Variants in CDK14 observed in about 807,000 individuals in gnomAD.
CDK14 encodes the protein cyclin dependent kinase 14.
Under a neutral mutation model 60.7 loss-of-function variants are expected in CDK14, and 34 were observed. The observed-to-expected ratio is 0.56, with a 90% CI of 0.43 to 0.75. CDK14 has a LOEUF of 0.75. Ranked by LOEUF, CDK14 falls within the 30% of genes least tolerant of loss-of-function variation. The pLI is 0.00. For missense variants in CDK14, 482 were observed against 564.1 expected, an observed-to-expected ratio of 0.85 and a Z score of 1.47; for synonymous variants, 197 against 203.7, an observed-to-expected ratio of 0.97 and a Z score of 0.28.
At chr7:90,852,600 A>T (rs1790683064) in intron 5 of CDK14, among the ~76,000 whole-genome samples, 1 of 152,166 alleles carries the variant, frequency 6.6e-6, no homozygotes, top group Non-Finnish European at 1.5e-5. Flanking sequence ...TCTTAGATTA[A>T]ATATCTCATA....
At chr7:90,710,021 A>G in intron 2 of CDK14, 1 of 910,576 alleles carries the variant, frequency 1.1e-6, no homozygotes, top group Non-Finnish European at 1.3e-6. Context: ...GGCAAGTCTG[A>G]ATCCTGACTC....
chr7:90,753,460 T>G (rs1237524969), intron 4 of CDK14, among the ~76,000 whole-genome samples: 1 of 152,122 alleles, frequency 6.6e-6, no homozygotes, highest in Non-Finnish European at 1.5e-5. Context: ...AGACCCTCAG[T>G]AAGCTAGGCA....
At chr7:90,865,733 A>G (rs564273127) in intron 6 of CDK14, among the ~76,000 whole-genome samples, 11 of 152,276 alleles carry the variant, frequency 7.2e-5, no homozygotes, top group African/African-American at 2.6e-4. Flanking sequence ...TGAAATTTAC[A>G]GTTTTATGCT....
At chr7:90,970,668 G>T (rs943766886) in intron 9 of CDK14, among the ~76,000 whole-genome samples, 24 of 152,184 alleles carry the variant, frequency 1.6e-4, no homozygotes, top group Admixed American at 1.5e-3. Context: ...CTTCTCAAAG[G>T]TACCTTTATT....
At chr7:91,108,352 T>C (rs549713796) in intron 12 of CDK14, among the ~76,000 whole-genome samples, 94 of 152,326 alleles carry the variant, frequency 6.2e-4, no homozygotes, top group Non-Finnish European at 1.1e-3. Context: ...TAAAGCATGT[T>C]TACCATTCGT....
At chr7:90,830,153 A>G (rs1789868522) in intron 5 of CDK14, among the ~76,000 whole-genome samples, 2 of 152,188 alleles carry the variant, frequency 1.3e-5, no homozygotes, top group Admixed American at 1.3e-4. Context: ...GCATCGCCCT[A>G]GTAGAGGTTC....
intron 9 of CDK14, among the ~76,000 whole-genome samples, chr7:90,963,202 T>C (rs1164171652): frequency 6.6e-6 from 1 of 151,166 alleles, no homozygotes; most frequent in African/African-American, 2.4e-5. Context: ...GGTGGGAGGA[T>C]GGCATGAGGC....
Position 90,747,743 on chromosome 7 carries a change from A to T in CDK14, c.432A>T (p.Gly144=), listed in dbSNP as rs1394417666. The T allele has an allele frequency of 1.3e-6, 2 of 1,596,742 alleles. No homozygotes were observed. The highest frequency in any genetic ancestry group is 1.2e-5 in the South Asian group (1 of 86,750). ...AAAAGCTGGAAAAACTAGGGGAAGGATCTTATGCTACAGTATACAAAGGGA... is the reference window on the plus strand; with the variant it reads ...AAAAGCTGGAAAAACTAGGGGAAGGTTCTTATGCTACAGTATACAAAGGGA... ...SYEKLEKLGE[G]SYATVYKGKS... The change falls in exon 4 of 15, where the codon GGA becomes GGT. Residue 144 remains glycine (G), a synonymous_variant. Coordinates refer to ENST00000380050, the MANE Select transcript of CDK14 (RefSeq NM_001287135.2).
chr7:90,994,044 GGTT>G (rs999409952), intron 10 of CDK14, among the ~76,000 whole-genome samples: 2 of 152,030 alleles, frequency 1.3e-5, no homozygotes, highest in Admixed American at 6.6e-5. Flanking sequence ...ACTACTTCCT[GGTT>G]GTTCTGGTTA....
intron 2 of CDK14, among the ~76,000 whole-genome samples, chr7:90,672,733 A>C (rs1214485528): frequency 6.6e-6 from 1 of 151,816 alleles, no homozygotes; most frequent in Non-Finnish European, 1.5e-5. Context: ...TATGTTCACC[A>C]GGTTGGCCTT....
chr7:90,621,647 T>TTCCTG (rs1563018738), intron 2 of CDK14, among the ~76,000 whole-genome samples: 43 of 72,820 alleles, frequency 5.9e-4, no homozygotes, highest in East Asian at 4.3e-3. Context: ...CTTCCTTCCT[T>TTCCTG]CCTTCCTTCC....
chr7:90,905,167 C>G (rs1562822043), intron 7 of CDK14, among the ~76,000 whole-genome samples: 1 of 152,142 alleles, frequency 6.6e-6, no homozygotes, highest in Non-Finnish European at 1.5e-5. Context: ...AGAAGAGAAT[C>G]CAGGGATGAC....
chr7:91,007,551 C>T (rs561748878), intron 10 of CDK14, among the ~76,000 whole-genome samples: 1 of 152,290 alleles, frequency 6.6e-6, no homozygotes, highest in Admixed American at 6.5e-5. Flanking sequence ...GTATAACAAT[C>T]AGATAACTGT....
At chr7:91,201,319 C>T (rs903853796) in intron 14 of CDK14, among the ~76,000 whole-genome samples, 3 of 151,998 alleles carry the variant, frequency 2.0e-5, no homozygotes, top group Admixed American at 2.0e-4. Flanking sequence ...AAAGAAGTCT[C>T]CTAAATAGAA....
chr7:91,012,362 T>C (rs1796186371), intron 10 of CDK14, among the ~76,000 whole-genome samples: 1 of 152,222 alleles, frequency 6.6e-6, no homozygotes, highest in Non-Finnish European at 1.5e-5. Context: ...CTTTATGCAC[T>C]GACATTACTT....
intron 12 of CDK14, among the ~76,000 whole-genome samples, chr7:91,100,549 A>G (rs534744867): frequency 6.6e-6 from 1 of 152,348 alleles, no homozygotes; most frequent in East Asian, 1.9e-4. Context: ...TAATGTCTGT[A>G]TCAATGGATT....
intron 12 of CDK14, among the ~76,000 whole-genome samples, chr7:91,096,791 G>A (rs1799004848): frequency 6.6e-6 from 1 of 152,114 alleles, no homozygotes; most frequent in Admixed American, 6.6e-5. Flanking sequence ...ACAGTATCAT[G>A]GTCACAAAGT....
At chr7:90,861,773 A>G (rs1791018121) in intron 5 of CDK14, among the ~76,000 whole-genome samples, 1 of 152,232 alleles carries the variant, frequency 6.6e-6, no homozygotes, top group Non-Finnish European at 1.5e-5. Flanking sequence ...CAAAGGTGAC[A>G]GAAAAAAAGA....
intron 10 of CDK14, among the ~76,000 whole-genome samples, chr7:91,038,656 T>A (rs1366937979): frequency 6.6e-6 from 1 of 152,202 alleles, no homozygotes; most frequent in African/African-American, 2.4e-5. Flanking sequence ...TGTAAAGGCC[T>A]TGTATCCACA....
Sources: gnomAD v4.1 joint callset for allele counts (sites outside exome capture counted in the v4.1 genomes callset) on GRCh38, gnomAD v4.1.1 for gene constraint, MANE v1.5 for transcripts, NCBI Gene and HGNC (gene_info 2026-07-23, HGNC 2026-07-21) for gene names.